The following TMEM178B variants were observed in gnomAD, a reference collection of about 807,000 sequenced individuals.
The protein encoded by TMEM178B is transmembrane protein 178B.
Under a neutral mutation model 31.0 loss-of-function variants are expected in TMEM178B, and 5 were observed. That is an observed-to-expected ratio of 0.16 (90% CI 0.08 to 0.34). The LOEUF is 0.34. Among genes scored for constraint, TMEM178B ranks in the 10% least tolerant of loss-of-function variants. The probability of loss-of-function intolerance (pLI) is 1.00; values close to 1 mark genes in which losing one functional copy is unlikely to be tolerated. For missense variants in TMEM178B, 275 were observed against 400.3 expected (o/e 0.69, Z 2.67); for synonymous variants, 164 against 164.0 (o/e 1.00, Z 0.00).
chr7:141,388,106 G>A lies in TMEM178B; in HGVS notation c.497-49502G>A, dbSNP rs573184349. ...ATTATACGACATGTCTGTCAGTGAAGCAGCTTTCTTTACTCAAATAGTATT... is the reference window on the plus strand; with the variant it reads ...ATTATACGACATGTCTGTCAGTGAAACAGCTTTCTTTACTCAAATAGTATT... On this transcript the variant is annotated intron_variant, in intron 2 of 3. Coordinates refer to ENST00000565468, the MANE Select transcript of TMEM178B (RefSeq NM_001195278.2). 1.1e-3 allele frequency among the ~76,000 whole-genome samples: 162 copies of A among 152,308 alleles called. 3 individuals are homozygous for A. In the South Asian group the frequency reaches 0.032, roughly 30 times the overall value.
At chr7:141,168,434 C>A (rs551045363) in intron 1 of TMEM178B, among the ~76,000 whole-genome samples, 2 of 152,262 alleles carry the variant, frequency 1.3e-5, no homozygotes, top group East Asian at 1.9e-4. Flanking sequence ...ATCAAAGGGG[C>A]AAACTGAGAA....
At chr7:141,145,491 TG>T (rs563404415) in intron 1 of TMEM178B, among the ~76,000 whole-genome samples, 144 of 152,342 alleles carry the variant, frequency 9.5e-4, no homozygotes, top group African/African-American at 3.3e-3. Context: ...AACAGAAAGA[TG>T]GCCTTTGTTT....
intron 2 of TMEM178B, among the ~76,000 whole-genome samples, chr7:141,259,816 G>T (rs1188141175): frequency 1.3e-5 from 2 of 152,164 alleles, no homozygotes; most frequent in Non-Finnish European, 2.9e-5. Flanking sequence ...CCTTGCTGAA[G>T]AATCTATGGA....
At chr7:141,397,094 C>T (rs1016662935) in intron 2 of TMEM178B, among the ~76,000 whole-genome samples, 2 of 152,124 alleles carry the variant, frequency 1.3e-5, no homozygotes. Context: ...GGTCAGCTCA[C>T]GTTCATTGAA....
At chr7:141,325,541 T>C (rs886434434) in intron 2 of TMEM178B, among the ~76,000 whole-genome samples, 1 of 152,154 alleles carries the variant, frequency 6.6e-6, no homozygotes, top group African/African-American at 2.4e-5. Context: ...TTACCTGGTC[T>C]CCATAGGGAT....
chr7:141,197,101 C>G (rs752046298), intron 1 of TMEM178B, among the ~76,000 whole-genome samples: 4 of 152,198 alleles, frequency 2.6e-5, no homozygotes, highest in African/African-American at 9.7e-5. Flanking sequence ...CATATATAAT[C>G]TGTGTCCCAA....
intron 2 of TMEM178B, among the ~76,000 whole-genome samples, chr7:141,403,235 G>A (rs1197076601): frequency 6.6e-6 from 1 of 152,210 alleles, no homozygotes; most frequent in African/African-American, 2.4e-5. Context: ...ATGGTGGAGT[G>A]AGTGAGGGTT....
At chr7:141,215,337 A>ATTATTTTTTT (rs55726735) in intron 2 of TMEM178B, among the ~76,000 whole-genome samples, 36,789 of 140,858 alleles carry the variant, frequency 0.26, 5,142 homozygotes, top group Middle Eastern at 0.4. Flanking sequence ...TATTATTATT[A>ATTATTTTTTT]TTTTTTGAGA....
intron 2 of TMEM178B, among the ~76,000 whole-genome samples, chr7:141,320,837 A>G (rs1337996326): frequency 9.2e-5 from 14 of 152,300 alleles, no homozygotes; most frequent in African/African-American, 4.8e-5. Context: ...GGTAATAAGT[A>G]GTGTGGGATT....
At chr7:141,327,478 A>T (rs7810783) in intron 2 of TMEM178B, among the ~76,000 whole-genome samples, 21,084 of 152,130 alleles carry the variant, frequency 0.14, 1,976 homozygotes, top group African/African-American at 0.26. Context: ...ACATTGGAAC[A>T]TTATTATCAC....
chr7:141,105,340 T>C (rs1288004310), intron 1 of TMEM178B, among the ~76,000 whole-genome samples: 2 of 152,048 alleles, frequency 1.3e-5, no homozygotes, highest in Non-Finnish European at 2.9e-5. Flanking sequence ...AAACCCTGTC[T>C]CTACTAAAAA....
At chr7:141,498,669 T>C in the TMEM178B span, among the ~76,000 whole-genome samples, 1 of 152,220 alleles carries the variant, frequency 6.6e-6, no homozygotes. Flanking sequence ...CACTGCCTCA[T>C]CCTTTAGCAT....
rs1367251811 is a variant in TMEM178B at position 141,141,732 on chromosome 7, A to G, written c.382+67040A>G. ...GCAATGTTCATTCAACACCTGATGA[A>G]TTAATGCCCAAGTTTAACATATGAG... On this transcript the variant is annotated intron_variant, in intron 1 of 3. Transcript: ENST00000565468. 2.0e-5 allele frequency among the ~76,000 whole-genome samples: 3 copies of G among 152,188 alleles called. No individual in the cohort carries two copies. The East Asian group carries it at 5.8e-4, about 29-fold the overall frequency.
At chr7:141,257,714 A>G (rs2116353272) in intron 2 of TMEM178B, among the ~76,000 whole-genome samples, 1 of 152,252 alleles carries the variant, frequency 6.6e-6, no homozygotes, top group Non-Finnish European at 1.5e-5. Flanking sequence ...TCTACGGCAT[A>G]TAGTGGGGTC....
intron 1 of TMEM178B, among the ~76,000 whole-genome samples, chr7:141,207,914 G>A (rs1289630113): frequency 2.6e-5 from 4 of 152,160 alleles, no homozygotes; most frequent in Non-Finnish European, 5.9e-5. Flanking sequence ...AAAAGGCCAG[G>A]TGCGGTGGCT....
intron 1 of TMEM178B, among the ~76,000 whole-genome samples, chr7:141,092,907 G>A (rs1794902809): frequency 6.6e-6 from 1 of 152,174 alleles, no homozygotes; most frequent in African/African-American, 2.4e-5. Context: ...AGGATTTCAA[G>A]TGGAGGGAAT....
At position 141,474,235 on chromosome 7, in the gene TMEM178B, T is replaced by C. The variant is rs1338472883; in HGVS notation, c.*3449T>C. 1 of 152,188 alleles carries C rather than the reference T, an allele frequency of 6.6e-6. No individual in the cohort carries two copies. The highest frequency in any genetic ancestry group is 1.5e-5 in the Non-Finnish European group (1 of 68,046). 9.4% of individuals were successfully genotyped at this position (152,188 alleles called of 1,614,324 possible). A position where few individuals can be genotyped will look rare whatever the true frequency, so the allele number is the denominator to read the frequency against. On this transcript the variant is annotated 3_prime_UTR_variant, in exon 4 of 4. Coordinates refer to ENST00000565468, the MANE Select transcript of TMEM178B (RefSeq NM_001195278.2). ...GTATTCTACCTAGAGAGAGGTCCCA[T>C]ATCTTTTTCTCCTTATTTTGGGAGT...
chr7:141,251,219 A>G (rs1797828418), intron 2 of TMEM178B, among the ~76,000 whole-genome samples: 1 of 151,872 alleles, frequency 6.6e-6, no homozygotes. Context: ...TCTTTGCCAG[A>G]AACTTCTATA....
At chr7:141,423,387 A>G (rs1400734536) in intron 2 of TMEM178B, among the ~76,000 whole-genome samples, 1 of 152,202 alleles carries the variant, frequency 6.6e-6, no homozygotes, top group African/African-American at 2.4e-5. Context: ...CATGCAATCA[A>G]TATAAACAAT....
Sources: gnomAD v4.1 joint callset for allele counts (sites outside exome capture counted in the v4.1 genomes callset) on GRCh38, gnomAD v4.1.1 for gene constraint, MANE v1.5 for transcripts, NCBI Gene and HGNC (gene_info 2026-07-23, HGNC 2026-07-21) for gene names.